CPNE4: variants seen among roughly 807,000 people sequenced by gnomAD.
The protein encoded by CPNE4 is copine-4.
Under a neutral mutation model 67.9 loss-of-function variants are expected in CPNE4, and 25 were observed. The observed-to-expected ratio is 0.37, with a 90% CI of 0.27 to 0.51. The LOEUF is 0.51. Among genes scored for constraint, CPNE4 ranks in the 20% least tolerant of loss-of-function variants. CPNE4 has a pLI of 0.93. For missense variants in CPNE4, 464 were observed against 690.8 expected (o/e 0.67, Z 3.68); for synonymous variants, 242 against 244.9 (o/e 0.99, Z 0.11).
At chr3:131,705,736 T>C (rs755077758) in intron 3 of CPNE4, among the ~76,000 whole-genome samples, 1 of 152,184 alleles carries the variant, frequency 6.6e-6, no homozygotes. Flanking sequence ...AAGCTTTCCA[T>C]TTCACAGCGT....
chr3:131,975,044 G>A (rs1441027899), intron 1 of CPNE4, among the ~76,000 whole-genome samples: 1 of 151,946 alleles, frequency 6.6e-6, no homozygotes, highest in Non-Finnish European at 1.5e-5. Context: ...GAGAAATAAA[G>A]ACAGAGAACC....
chr3:131,928,656 C>G (rs1204205088), intron 1 of CPNE4, among the ~76,000 whole-genome samples: 1 of 152,198 alleles, frequency 6.6e-6, no homozygotes, highest in Non-Finnish European at 1.5e-5. Context: ...GGAAACAGAA[C>G]TGTGTCCTGT....
intron 1 of CPNE4, among the ~76,000 whole-genome samples, chr3:131,990,550 A>G (rs564287695): frequency 3.7e-5 from 5 of 136,628 alleles, no homozygotes; most frequent in African/African-American, 1.2e-4. Context: ...AATACGTAAG[A>G]CAAATGTTAT....
intron 11 of CPNE4, among the ~76,000 whole-genome samples, chr3:131,561,944 C>T (rs1029378691): frequency 6.6e-6 from 1 of 152,012 alleles, no homozygotes; most frequent in African/African-American, 2.4e-5. Flanking sequence ...TTCAATCCTC[C>T]TTCTTCTTCC....
At chr3:131,959,388 T>A (rs1310997180) in intron 1 of CPNE4, among the ~76,000 whole-genome samples, 1 of 152,176 alleles carries the variant, frequency 6.6e-6, no homozygotes, top group African/African-American at 2.4e-5. Context: ...GAAGGTTTTA[T>A]GATGAATAAA....
At chr3:131,696,862 C>A in intron 4 of CPNE4, among the ~76,000 whole-genome samples, 1 of 152,086 alleles carries the variant, frequency 6.6e-6, no homozygotes, top group Non-Finnish European at 1.5e-5. Context: ...AGATGGGACC[C>A]AAGCTGAAGG....
At chr3:131,674,881 G>T (rs1192055849) in intron 6 of CPNE4, among the ~76,000 whole-genome samples, 2 of 150,644 alleles carry the variant, frequency 1.3e-5, no homozygotes, top group Non-Finnish European at 3.0e-5. Flanking sequence ...TTCCTTTTCT[G>T]GTTCTTTGAG....
intron 2 of CPNE4, among the ~76,000 whole-genome samples, chr3:131,845,766 C>A (rs957774269): frequency 5.9e-5 from 9 of 152,000 alleles, no homozygotes; most frequent in Admixed American, 5.9e-4. Context: ...TTATTGGTAC[C>A]TAATCTTTCT....
chr3:131,802,026 G>A (rs1384098425), intron 2 of CPNE4, among the ~76,000 whole-genome samples: 3 of 151,984 alleles, frequency 2.0e-5, no homozygotes, highest in East Asian at 1.9e-4. Context: ...ATTCAGGGTC[G>A]GTTTCATAAA....
At chr3:131,640,223 C>T (rs1328771251) in intron 7 of CPNE4, among the ~76,000 whole-genome samples, 3 of 152,156 alleles carry the variant, frequency 2.0e-5, no homozygotes, top group African/African-American at 7.2e-5. Context: ...CAAACTGTCA[C>T]TGTTTGCAGA....
intron 2 of CPNE4, among the ~76,000 whole-genome samples, chr3:131,809,337 A>G (rs2084439014): frequency 6.6e-6 from 1 of 152,090 alleles, no homozygotes; most frequent in Non-Finnish European, 1.5e-5. Context: ...TGAGAAGATG[A>G]ATTCTCCCTT....
chr3:131,741,187 G>A (rs531600325), intron 2 of CPNE4, among the ~76,000 whole-genome samples: 9 of 151,976 alleles, frequency 5.9e-5, no homozygotes, highest in East Asian at 5.8e-4. Flanking sequence ...TGTTTATCCC[G>A]GCATAATGTA....
intron 2 of CPNE4, among the ~76,000 whole-genome samples, chr3:131,780,916 A>G (rs2083418597): frequency 1.3e-5 from 2 of 152,104 alleles, no homozygotes; most frequent in Non-Finnish European, 1.5e-5. Flanking sequence ...AGGGGGAGAT[A>G]TGGAAACAGC....
intron 2 of CPNE4, among the ~76,000 whole-genome samples, chr3:131,767,431 G>A (rs1243016440): frequency 6.6e-6 from 1 of 152,068 alleles, no homozygotes; most frequent in African/African-American, 2.4e-5. Context: ...AAACATGCAG[G>A]ACTCAATAAA....
At chr3:131,987,247 G>A (rs1209835339) in intron 1 of CPNE4, among the ~76,000 whole-genome samples, 3 of 152,172 alleles carry the variant, frequency 2.0e-5, no homozygotes, top group Non-Finnish European at 4.4e-5. Context: ...GTTGCCTCTG[G>A]GAGAGTATTG....
intron 2 of CPNE4, among the ~76,000 whole-genome samples, chr3:131,749,165 A>G (rs1470713349): frequency 6.6e-6 from 1 of 152,092 alleles, no homozygotes; most frequent in East Asian, 1.9e-4. Context: ...ATGTATTTTT[A>G]CATTTCCCTT....
At chr3:131,863,963 A>T (rs953306199) in intron 2 of CPNE4, among the ~76,000 whole-genome samples, 1 of 152,164 alleles carries the variant, frequency 6.6e-6, no homozygotes, top group Admixed American at 6.5e-5. Context: ...TAAATAGGGA[A>T]TCCTTTCCTC....
intron 2 of CPNE4, among the ~76,000 whole-genome samples, chr3:131,761,367 T>C (rs2082887365): frequency 6.6e-6 from 1 of 151,988 alleles, no homozygotes; most frequent in South Asian, 2.1e-4. Flanking sequence ...AGCCATGAGC[T>C]ATGAGCTACC....
At chr3:131,702,940 C>T (rs932031332) in intron 3 of CPNE4, among the ~76,000 whole-genome samples, 4 of 152,156 alleles carry the variant, frequency 2.6e-5, no homozygotes, top group African/African-American at 4.8e-5. Flanking sequence ...TTTACAGCCT[C>T]GAGGTTTCCA....
Sources: gnomAD v4.1 joint callset for allele counts (sites outside exome capture counted in the v4.1 genomes callset) on GRCh38, gnomAD v4.1.1 for gene constraint, MANE v1.5 for transcripts, NCBI Gene and HGNC (gene_info 2026-07-23, HGNC 2026-07-21) for gene names.